The following GRIN2B variants were observed in gnomAD, a reference collection of about 807,000 sequenced individuals.
GRIN2B encodes the protein glutamate receptor ionotropic, NMDA 2B.
A neutral mutation model predicts 114.5 loss-of-function variants in GRIN2B; 5 were observed. The ratio of observed to expected loss-of-function variants is 0.04; its 90% CI spans 0.02 to 0.09. GRIN2B has a LOEUF of 0.09. GRIN2B is among the 10% of genes least tolerant of loss of function. The probability of loss-of-function intolerance (pLI) is 1.00; values close to 1 mark genes in which losing one functional copy is unlikely to be tolerated. For missense variants in GRIN2B, 1,108 were observed against 1,943.5 expected, an observed-to-expected ratio of 0.57 and a Z score of 8.08; for synonymous variants, 787 against 745.1, an observed-to-expected ratio of 1.06 and a Z score of -0.92.
chr12:13,607,297 A>AT (rs1483554748), intron 10 of GRIN2B, among the ~76,000 whole-genome samples: 7 of 66,510 alleles, frequency 1.1e-4, no homozygotes, highest in African/African-American at 3.7e-4. Context: ...ATTATATAAA[A>AT]ATATATATTA....
At chr12:13,621,322 G>A (rs1445544091) in intron 5 of GRIN2B, among the ~76,000 whole-genome samples, 1 of 152,106 alleles carries the variant, frequency 6.6e-6, no homozygotes, top group African/African-American at 2.4e-5. Flanking sequence ...TAGAACATGA[G>A]GCTAACAGGA....
At position 13,559,725 on chromosome 12, in the gene GRIN2B, G is replaced by A. The variant is rs1374029624; in HGVS notation, c.*3058C>T. On this transcript the variant is annotated 3_prime_UTR_variant, in exon 14 of 14. Coordinates refer to ENST00000609686, the MANE Select transcript of GRIN2B (RefSeq NM_000834.5). ...GATATCACATGCTTCAAAAAGTAGA[G>A]TTAGTGGAGATTTTTCCACGTGTGT... The A allele has an allele frequency of 6.6e-6, 1 of 152,232 alleles. No homozygotes were observed. The highest frequency in any genetic ancestry group is 2.4e-5 in the African/African-American group (1 of 41,458). The allele number at this position is 152,232 out of a possible 1,614,324, so 9.4% of individuals were successfully genotyped here.
intron 3 of GRIN2B, among the ~76,000 whole-genome samples, chr12:13,817,207 C>A (rs1169159887): frequency 1.3e-5 from 2 of 152,130 alleles, no homozygotes; most frequent in African/African-American, 4.8e-5. Flanking sequence ...CTTTAGCTAG[C>A]TTTGTAGCCC....
intron 5 of GRIN2B, among the ~76,000 whole-genome samples, chr12:13,621,611 T>G (rs1949515663): frequency 3.0e-5 from 4 of 131,452 alleles, no homozygotes; most frequent in Non-Finnish European, 6.3e-5. Flanking sequence ...TGCCTAGTTT[T>G]TGTTTTTTTT....
intron 10 of GRIN2B, among the ~76,000 whole-genome samples, chr12:13,607,370 TATATTA>T (rs1949285567): frequency 2.4e-5 from 1 of 40,902 alleles, no homozygotes; most frequent in Admixed American, 5.8e-4. Flanking sequence ...ATATATATTA[TATATTA>T]TATATATAAT....
chr12:13,695,485 G>A (rs765520934), intron 4 of GRIN2B, among the ~76,000 whole-genome samples: 12 of 152,168 alleles, frequency 7.9e-5, no homozygotes, highest in African/African-American at 1.7e-4. Context: ...CTGAAAGAGC[G>A]AGTAGTCTAC....
intron 4 of GRIN2B, among the ~76,000 whole-genome samples, chr12:13,719,181 C>T (rs570406667): frequency 6.6e-5 from 10 of 152,152 alleles, no homozygotes; most frequent in East Asian, 1.9e-4. Flanking sequence ...CTGCCACTCC[C>T]GCAAGCTCAC....
intron 4 of GRIN2B, among the ~76,000 whole-genome samples, chr12:13,735,144 C>A (rs1308247088): frequency 6.6e-6 from 1 of 152,172 alleles, no homozygotes; most frequent in Non-Finnish European, 1.5e-5. Flanking sequence ...TAGGTTTCTG[C>A]TCTAGATATC....
intron 2 of GRIN2B, among the ~76,000 whole-genome samples, chr12:13,936,329 A>G (rs1867130451): frequency 6.6e-6 from 1 of 152,296 alleles, no homozygotes; most frequent in African/African-American, 2.4e-5. Context: ...TGTGGCATCA[A>G]TCTGAGATTC....
chr12:13,897,702 A>T (rs1221881096), intron 2 of GRIN2B, among the ~76,000 whole-genome samples: 1 of 152,184 alleles, frequency 6.6e-6, no homozygotes. Context: ...TTTTCTGGAA[A>T]TAACAGCCTA....
intron 3 of GRIN2B, among the ~76,000 whole-genome samples, chr12:13,826,368 G>A (rs1247219829): frequency 6.6e-6 from 1 of 152,128 alleles, no homozygotes; most frequent in Non-Finnish European, 1.5e-5. Flanking sequence ...CTACTCTGGA[G>A]GCTGAGGCAG....
intron 4 of GRIN2B, among the ~76,000 whole-genome samples, chr12:13,747,536 T>C (rs186407873): frequency 9.8e-5 from 15 of 152,342 alleles, no homozygotes; most frequent in Admixed American, 5.2e-4. Flanking sequence ...CCTCCCTCTA[T>C]ATACAGGTGT....
intron 10 of GRIN2B, among the ~76,000 whole-genome samples, chr12:13,596,456 T>C (rs915049204): frequency 2.0e-5 from 3 of 152,218 alleles, no homozygotes; most frequent in African/African-American, 4.8e-5. Flanking sequence ...TAAACACTGC[T>C]CTTGCTCTAT....
chr12:13,905,325 C>T (rs1057045115), intron 2 of GRIN2B, among the ~76,000 whole-genome samples: 1 of 152,178 alleles, frequency 6.6e-6, no homozygotes, highest in African/African-American at 2.4e-5. Flanking sequence ...AAATCAGCTG[C>T]TAGATCAATC....
At chr12:13,797,312 T>TGGC in intron 3 of GRIN2B, among the ~76,000 whole-genome samples, 1 of 152,138 alleles carries the variant, frequency 6.6e-6, no homozygotes, top group African/African-American at 2.4e-5. Flanking sequence ...CCTCCCAAAT[T>TGGC]CCCCACCCCC....
chr12:13,814,901 C>T (rs1434769802), intron 3 of GRIN2B, among the ~76,000 whole-genome samples: 1 of 152,238 alleles, frequency 6.6e-6, no homozygotes, highest in East Asian at 1.9e-4. Flanking sequence ...TTTTCTAGTT[C>T]TTCTTGTCTA....
At chr12:13,888,500 G>C (rs1866203136) in intron 2 of GRIN2B, among the ~76,000 whole-genome samples, 1 of 151,738 alleles carries the variant, frequency 6.6e-6, no homozygotes, top group Admixed American at 6.6e-5. Flanking sequence ...TTGGGAGACT[G>C]AGGTGCGTGG....
At chr12:13,570,758 C>T (rs1948696529) in intron 11 of GRIN2B, among the ~76,000 whole-genome samples, 1 of 152,172 alleles carries the variant, frequency 6.6e-6, no homozygotes, top group Non-Finnish European at 1.5e-5. Context: ...TTAAAACCAA[C>T]ATTTAAACAT....
intron 4 of GRIN2B, among the ~76,000 whole-genome samples, chr12:13,748,183 A>T (rs1049933018): frequency 6.6e-6 from 1 of 152,230 alleles, no homozygotes; most frequent in Admixed American, 6.5e-5. Context: ...AAAACTAAAG[A>T]CACTGGGGAA....
Sources: gnomAD v4.1 joint callset for allele counts (sites outside exome capture counted in the v4.1 genomes callset) on GRCh38, gnomAD v4.1.1 for gene constraint, MANE v1.5 for transcripts, NCBI Gene and HGNC (gene_info 2026-07-23, HGNC 2026-07-21) for gene names.